Variants in CD163 observed in about 807,000 individuals in gnomAD.
The protein encoded by CD163 is scavenger receptor cysteine-rich type 1 protein M130.
Under a neutral mutation model 129.2 loss-of-function variants are expected in CD163, and 64 were observed. That is an observed-to-expected ratio of 0.50 (90% CI 0.41 to 0.61). The LOEUF is 0.61. Ranked by LOEUF, CD163 falls within the 20% of genes least tolerant of loss-of-function variation. The pLI, the probability that CD163 is intolerant of heterozygous loss-of-function variation, is 0.00. For synonymous variants in CD163, 446 were observed against 478.5 expected, an observed-to-expected ratio of 0.93 and a Z score of 0.89; for missense variants, 1,061 against 1,377.9, an observed-to-expected ratio of 0.77 and a Z score of 3.64.
At chr12:7,482,928 A>C (rs1367564680) in intron 13 of CD163, 38 bp downstream of exon 13, 11 of 1,604,080 alleles carry the variant, frequency 6.9e-6, no homozygotes, top group African/African-American at 4.0e-5. Context: ...CTATGTATGC[A>C]GATAATTGGT....
rs201875809 is a variant in CD163, at chr12:7,480,046, G to A, written c.3344-133C>T. ...GGAAATAAACCAGACCTCTTCTCACGTAACTGTGAGGCTCTTTGAGCAACT... is the reference window on the plus strand; with the variant it reads ...GGAAATAAACCAGACCTCTTCTCACATAACTGTGAGGCTCTTTGAGCAACT... On this transcript the variant is annotated intron_variant, in intron 15 of 16. Transcript: ENST00000432237. The A allele has an allele frequency of 2.4e-5, 38 of 1,557,386 alleles. No homozygotes were observed. In the East Asian group the frequency reaches 3.0e-4, roughly 12 times the overall value.
At chr12:7,472,950 C>A (rs778690883) in intron 16 of CD163, among the ~76,000 whole-genome samples, 1 of 151,774 alleles carries the variant, frequency 6.6e-6, no homozygotes, top group Non-Finnish European at 1.5e-5. Context: ...ATAGCCAAAT[C>A]GATCAAGTGG....
chr12:7,498,802 T>C, intron 4 of CD163, 66 bp downstream of exon 4: 1 of 1,432,288 alleles, frequency 7.0e-7, no homozygotes, highest in Non-Finnish European at 9.5e-7. Context: ...TTCAGGCTCT[T>C]AAGATTTATT....
intron 16 of CD163, among the ~76,000 whole-genome samples, chr12:7,478,853 A>G (rs998781700): frequency 6.6e-6 from 1 of 152,074 alleles, no homozygotes; most frequent in Non-Finnish European, 1.5e-5. Context: ...TACTTTTTCT[A>G]CATTTCATTT....
intron 2 of CD163, 148 bp downstream of exon 2, chr12:7,502,330 G>A (rs1949502136): frequency 2.8e-6 from 2 of 703,108 alleles, no homozygotes; most frequent in East Asian, 2.5e-5. Context: ...TTTTTATTGT[G>A]TGCTTTTAAT....
chr12:7,479,710 C>T, intron 16 of CD163, 150 bp downstream of exon 16: 2 of 637,986 alleles, frequency 3.1e-6, no homozygotes, highest in Non-Finnish European at 4.9e-6. Flanking sequence ...TATATATTCT[C>T]AATATAGATA....
chr12:7,487,886 CA>C lies in CD163; in HGVS notation c.1621del (p.Trp541GlyfsTer19). ...AHFGEGNGQI[W>X]AEEFQCEGHE... is the part of the protein sequence containing the mutation. ...TCCCTCACACTGGAATTCTTCAGCC[CA>C]GATCTGTCCATTTCCCTCTCCAAAG... On this transcript the variant is annotated frameshift_variant, in exon 7 of 17. Coordinates refer to ENST00000432237, the MANE Select transcript of CD163 (RefSeq NM_203416.4). LOFTEE classifies it high-confidence loss of function. The surrounding 1 kb of genome is among the most constrained non-coding windows in gnomAD (Gnocchi z 5.1). 6.2e-7 allele frequency: 1 copy of C among 1,614,096 alleles called. No individual in the cohort carries two copies. The highest frequency in any genetic ancestry group is 8.5e-7 in the Non-Finnish European group (1 of 1,180,024).
At position 7,477,836 on chromosome 12, in the gene CD163, A is replaced by G. The variant is rs776751161; in HGVS notation, c.*31+2024T>C. The stretch of plus-strand genomic sequence containing the variant: ...GTTATTCAGCAGTGATTACTCTTTC[A>G]GGGAAAAGTAGTTCAATTATCATTT... On this transcript the variant is annotated intron_variant, in intron 16 of 16. Coordinates refer to ENST00000432237, the MANE Select transcript of CD163 (RefSeq NM_203416.4). Among the ~76,000 whole-genome samples the G allele has an allele frequency of 2.0e-5, 3 of 152,320 alleles. No homozygotes were observed. The South Asian group carries it at 6.2e-4, about 32-fold the overall frequency.
rs138294305 is a variant in CD163, at chr12:7,470,891, G to C, written c.*538C>G. On this transcript the variant is annotated 3_prime_UTR_variant, in exon 17 of 17. Transcript: ENST00000432237. ...AGTAACAAAAAGCAGTTAAAGAATC[G>C]TTGTGAGTCATGCCTTATAAAGTTA... 2 of 152,090 alleles carry C rather than the reference G, an allele frequency of 1.3e-5. No individual in the cohort carries two copies. The highest frequency in any genetic ancestry group is 4.1e-4 in the South Asian group (2 of 4,828). 9.4% of individuals were successfully genotyped at this position (152,090 alleles called of 1,614,324 possible). A position where few individuals can be genotyped will look rare whatever the true frequency, so the allele number is the denominator to read the frequency against.
In CD163 at chr12:7,482,748, G is replaced by C. The variant is rs754235222; in HGVS notation, c.3142C>G (p.Gln1048Glu). ...ATCCCGACTGCAATAAAGGATGACT[G>C]ACGGGATGAGCGACCTAAGTAAAAG... ...QKATTGRSSR[Q>E]SSFIAVGILG... Residue 1048 changes from glutamine (Q) to glutamate (E), a missense_variant, in exon 14 of 17, where the codon CAG (glutamine) becomes GAG (glutamate). By Grantham distance (29) the Gln-to-Glu change is conservative. Coordinates refer to ENST00000432237, the MANE Select transcript of CD163 (RefSeq NM_203416.4). 4 of 1,613,970 alleles carry C rather than the reference G, an allele frequency of 2.5e-6. No individual in the cohort carries two copies. Among genetic ancestry groups the C allele is most frequent in the African/African-American group, 1.3e-5 (1 of 74,918 alleles).
At chr12:7,489,164 G>A (rs1362250746) in intron 6 of CD163, among the ~76,000 whole-genome samples, 1 of 152,064 alleles carries the variant, frequency 6.6e-6, no homozygotes, top group Non-Finnish European at 1.5e-5. Flanking sequence ...ATATTCCAGA[G>A]CCTAGAATGT....
intron 12 of CD163, 108 bp downstream of exon 12, chr12:7,483,259 C>T: frequency 9.7e-7 from 1 of 1,033,072 alleles, no homozygotes; most frequent in Non-Finnish European, 1.4e-6. Context: ...TGAGAATCCC[C>T]ACCAGATCCC....
At chr12:7,497,797 T>C (rs937173850) in intron 4 of CD163, among the ~76,000 whole-genome samples, 1 of 152,180 alleles carries the variant, frequency 6.6e-6, no homozygotes, top group Non-Finnish European at 1.5e-5. Context: ...ATGTGCTAAC[T>C]GGGGGCCTAG....
chr12:7,495,919 A>T (rs1949393414), intron 5 of CD163, among the ~76,000 whole-genome samples: 1 of 152,198 alleles, frequency 6.6e-6, no homozygotes, highest in Non-Finnish European at 1.5e-5. Context: ...CAGTGTGGTG[A>T]TTCCTCAAGG....
intron 5 of CD163, 120 bp from the exon 6 acceptor site, chr12:7,495,521 C>T (rs1466965447): frequency 1.3e-5 from 11 of 838,540 alleles, no homozygotes; most frequent in Non-Finnish European, 1.8e-5. Flanking sequence ...TAACTTATTT[C>T]CTGACTTTTT....
Position 7,501,321 on chromosome 12 carries a change from AGCTG to A in CD163, c.271_274del (p.Gln91TrpfsTer58). 1 of 1,614,134 alleles carries A rather than the reference AGCTG, an allele frequency of 6.2e-7. No individual in the cohort carries two copies. The highest frequency in any genetic ancestry group is 2.2e-5 in the East Asian group (1 of 44,870). On this transcript the variant is annotated frameshift_variant, in exon 3 of 17. Coordinates refer to ENST00000432237, the MANE Select transcript of CD163 (RefSeq NM_203416.4). LOFTEE classifies it high-confidence loss of function. ...GGCTTTGATAGCAGTTGGACATCCC[AGCTG>A]GTTACAAATCACAGAGACCGCTTCC...
chr12:7,477,660 T>A (rs1222143655), intron 16 of CD163, among the ~76,000 whole-genome samples: 2 of 152,056 alleles, frequency 1.3e-5, no homozygotes, highest in Admixed American at 6.6e-5. Context: ...AAAACCTAGA[T>A]GGCGGGTTGA....
Position 7,503,711 on chromosome 12 carries a change from A to G in CD163, c.-21T>C, listed in dbSNP as rs755869479. ...CTCATTCCAAAGATTTATAACTTCAATGATTCCTAAATCTTCTTGTATTAT... is the reference window on the plus strand; with the variant it reads ...CTCATTCCAAAGATTTATAACTTCAGTGATTCCTAAATCTTCTTGTATTAT... On this transcript the variant is annotated 5_prime_UTR_variant, in exon 1 of 17. Coordinates refer to ENST00000432237, the MANE Select transcript of CD163 (RefSeq NM_203416.4). 18 of 1,502,054 alleles carry G rather than the reference A, an allele frequency of 1.2e-5. No individual in the cohort carries two copies. Among genetic ancestry groups the G allele is most frequent in the African/African-American group, 2.8e-5 (2 of 72,674 alleles). 93.0% of individuals were successfully genotyped at this position (1,502,054 alleles called of 1,614,324 possible).
rs1238573485 is a variant in CD163, at chr12:7,482,949, T to A, written c.3127+17A>T. 2 of 1,612,618 alleles carry A rather than the reference T, an allele frequency of 1.2e-6. No individual in the cohort carries two copies. The highest frequency in any genetic ancestry group is 1.7e-5 in the Admixed American group (1 of 59,766). On this transcript the variant is annotated intron_variant, in intron 13 of 16. Coordinates refer to ENST00000432237, the MANE Select transcript of CD163 (RefSeq NM_203416.4). The stretch of plus-strand genomic sequence containing the variant: ...ATGCAGATAATTGGTCTCATCATCA[T>A]AAACTCCATGATATACCTGTTGTGG...
Sources: allele counts gnomAD v4.1 joint callset (sites outside exome capture counted in the v4.1 genomes callset), GRCh38; gene constraint gnomAD v4.1.1; non-coding constraint Gnocchi (gnomAD v3.1); transcripts MANE v1.5; gene names NCBI Gene and HGNC (gene_info 2026-07-23, HGNC 2026-07-21).